Variants in TPX2 observed in about 807,000 individuals in gnomAD.
TPX2 encodes targeting protein for Xklp2.
A neutral mutation model predicts 93.6 loss-of-function variants in TPX2; 21 were observed. The ratio of observed to expected loss-of-function variants is 0.22; its 90% CI spans 0.16 to 0.32. TPX2 has a LOEUF of 0.32. Among genes scored for constraint, TPX2 ranks in the 10% least tolerant of loss-of-function variants. The pLI, the probability that TPX2 is intolerant of heterozygous loss-of-function variation, is 1.00. For synonymous variants in TPX2, 281 were observed against 298.3 expected, an observed-to-expected ratio of 0.94 and a Z score of 0.60; for missense variants, 776 against 871.1, an observed-to-expected ratio of 0.89 and a Z score of 1.37.
chr20:31,767,811 C>T (rs543108128), intron 5 of TPX2, among the ~76,000 whole-genome samples: 1 of 151,714 alleles, frequency 6.6e-6, no homozygotes, highest in African/African-American at 2.4e-5. Flanking sequence ...CTATGCCTCC[C>T]AAAGTGTTAG....
chr20:31,770,249 TTTG>T (rs2061956843), intron 5 of TPX2, 91 bp from the exon 6 acceptor site: 1 of 880,050 alleles, frequency 1.1e-6, no homozygotes, highest in South Asian at 3.8e-5. Flanking sequence ...TTTATTGCCC[TTTG>T]TAGTTTGACA....
chr20:31,799,910 A>G (rs1357083175), intron 17 of TPX2, among the ~76,000 whole-genome samples: 1 of 151,124 alleles, frequency 6.6e-6, no homozygotes, highest in Admixed American at 6.6e-5. Flanking sequence ...AAAAAAAAAA[A>G]AAAAAAAAAA....
At chr20:31,792,992 A>G (rs2062112365) in intron 13 of TPX2, among the ~76,000 whole-genome samples, 162 bp downstream of exon 13, 1 of 152,200 alleles carries the variant, frequency 6.6e-6, no homozygotes. Context: ...TGTTCCTCCA[A>G]GAACAAAGTA....
chr20:31,782,835 G>A (rs1166768143), intron 11 of TPX2, among the ~76,000 whole-genome samples: 1 of 151,436 alleles, frequency 6.6e-6, no homozygotes, highest in African/African-American at 2.4e-5. Context: ...CCAAGATCAC[G>A]CCAATATACT....
chr20:31,785,638 C>T (rs1035128167), intron 12 of TPX2, among the ~76,000 whole-genome samples: 8 of 152,116 alleles, frequency 5.3e-5, no homozygotes, highest in Non-Finnish European at 1.2e-4. Context: ...GTTGGGATTA[C>T]AGGCGCATGC....
intron 2 of TPX2, among the ~76,000 whole-genome samples, chr20:31,753,197 A>G (rs1388672639): frequency 1.3e-5 from 2 of 152,210 alleles, no homozygotes; most frequent in Non-Finnish European, 2.9e-5. Flanking sequence ...GCTTAACTTC[A>G]TGAACACCCT....
intron 5 of TPX2, among the ~76,000 whole-genome samples, chr20:31,768,058 A>C (rs1051697210): frequency 8.6e-5 from 13 of 151,234 alleles, no homozygotes. Context: ...TAGCCTCCTG[A>C]GTAGTGGAGA....
Position 31,760,877 on chromosome 20 carries a change from AC to A in TPX2, c.229+699del, listed in dbSNP as rs1445240160. The stretch of plus-strand genomic sequence containing the variant: ...TAAGATCAAGTGTAAAAGATGATTG[AC>A]ATTTAAACTGGTGGGTACTGGATCT... On this transcript the variant is annotated intron_variant, in intron 4 of 17. Coordinates refer to ENST00000300403, the MANE Select transcript of TPX2 (RefSeq NM_012112.5). Among the ~76,000 whole-genome samples, 110 of 152,300 alleles carry A rather than the reference AC, an allele frequency of 7.2e-4. 1 individual carries two copies. Among genetic ancestry groups the A allele is most frequent in the Middle Eastern group, 6.8e-3 (2 of 294 alleles).
At chr20:31,795,684 T>G (rs1277143737) in intron 15 of TPX2, among the ~76,000 whole-genome samples, 1 of 152,254 alleles carries the variant, frequency 6.6e-6, no homozygotes, top group African/African-American at 2.4e-5. Flanking sequence ...TTTCTGTTGA[T>G]GCATTGGTAA....
At chr20:31,759,047 C>A (rs1422775354) in intron 3 of TPX2, among the ~76,000 whole-genome samples, 1 of 151,902 alleles carries the variant, frequency 6.6e-6, no homozygotes, top group South Asian at 2.1e-4. Flanking sequence ...TTTTGGCTAA[C>A]AAAACTACCT....
Position 31,794,458 on chromosome 20 carries a change from G to A in TPX2, c.1743G>A (p.Glu581=). The stretch of plus-strand genomic sequence containing the variant: ...ATTTTGACACCATTAACCTGCCAGA[G>A]AAGAAGGTAAAGAATGTGACCCAGA... The part of the protein sequence containing the change: ...LPHFDTINLP[E]KKVKNVTQIE... The change falls in exon 15 of 18, where the codon GAG becomes GAA. Residue 581 remains glutamate (E), a synonymous_variant. Transcript: ENST00000300403. 2 of 1,614,160 alleles carry A rather than the reference G, an allele frequency of 1.2e-6. No homozygotes were observed. The highest frequency in any genetic ancestry group is 1.1e-5 in the South Asian group (1 of 91,080).
rs773131783 is a variant in TPX2, at chr20:31,782,370, G to A, written c.1176G>A (p.Glu392=). 3 of 1,611,286 alleles carry A rather than the reference G, an allele frequency of 1.9e-6. 1 individual carries two copies. The South Asian group carries it at 3.3e-5, about 18-fold the overall frequency. ...AAAGTACAGCAGAGCTGGAGGCTGAGGAGCTCGAGAAATTGCAACAGTAAG... is the reference window on the plus strand; with the variant it reads ...AAAGTACAGCAGAGCTGGAGGCTGAAGAGCTCGAGAAATTGCAACAGTAAG... The part of the protein sequence containing the change: ...TCKSTAELEA[E]ELEKLQQYKF... The change falls in exon 11 of 18, where the codon GAG becomes GAA. Residue 392 remains glutamate, a synonymous_variant. Transcript: ENST00000300403.
At position 31,775,933 on chromosome 20, in the gene TPX2, G is replaced by T; in HGVS notation, c.675G>T (p.Val225=). Residue 225 remains valine, a synonymous_variant, in exon 8 of 18, where the codon GTG becomes GTT. Transcript: ENST00000300403. The part of the protein sequence containing the change: ...LEKSMKMQQE[V]VEMRKKNEEF... The stretch of plus-strand genomic sequence containing the variant: ...AGAGTATGAAAATGCAGCAAGAGGT[G>T]GTGGAGATGCGGAAAAAGAATGAAG... 1 of 1,603,828 alleles carries T rather than the reference G, an allele frequency of 6.2e-7. No homozygotes were observed. The highest frequency in any genetic ancestry group is 8.5e-7 in the Non-Finnish European group (1 of 1,174,200).
At chr20:31,795,959 G>A (rs2062136593) in intron 15 of TPX2, among the ~76,000 whole-genome samples, 1 of 152,096 alleles carries the variant, frequency 6.6e-6, no homozygotes, top group Non-Finnish European at 1.5e-5. Context: ...CCTGAAGCCC[G>A]AGAGTTGTAA....
Position 31,801,145 on chromosome 20 carries a change from C to A in TPX2, c.*65C>A. ...CTGCTCTTAACCTCAAACCTAGGAC[C>A]GTCTTGCTTTGTCATTGGGCATGGA... On this transcript the variant is annotated 3_prime_UTR_variant, in exon 18 of 18. Transcript: ENST00000300403. 1 of 1,445,980 alleles carries A rather than the reference C, an allele frequency of 6.9e-7. No homozygotes were observed. The highest frequency in any genetic ancestry group is 9.7e-7 in the Non-Finnish European group (1 of 1,028,420). The allele number at this position is 1,445,980 out of a possible 1,614,324, so 89.6% of individuals were successfully genotyped here.
intron 2 of TPX2, among the ~76,000 whole-genome samples, chr20:31,756,187 C>T (rs2061850462): frequency 6.6e-6 from 1 of 152,184 alleles, no homozygotes; most frequent in South Asian, 2.1e-4. Flanking sequence ...ATGAGGTATA[C>T]ACAAGTGAGT....
intron 6 of TPX2, 151 bp from the exon 7 acceptor site, chr20:31,771,409 A>C (rs2061963664): frequency 4.1e-6 from 4 of 978,660 alleles, no homozygotes; most frequent in Non-Finnish European, 5.8e-6. Flanking sequence ...TATATGATCT[A>C]ATGATACTGT....
intron 2 of TPX2, among the ~76,000 whole-genome samples, chr20:31,744,799 T>G (rs1209605824): frequency 6.6e-6 from 1 of 152,182 alleles, no homozygotes; most frequent in Non-Finnish European, 1.5e-5. Flanking sequence ...AGAATGCGTA[T>G]TTTTGGCCGG....
chr20:31,750,836 A>C (rs1165762303), intron 2 of TPX2, among the ~76,000 whole-genome samples: 1 of 152,206 alleles, frequency 6.6e-6, no homozygotes, highest in Non-Finnish European at 1.5e-5. Flanking sequence ...AAATTTGAGA[A>C]AGCTCAGTTT....
Sources: gnomAD v4.1 joint callset for allele counts (sites outside exome capture counted in the v4.1 genomes callset) on GRCh38, gnomAD v4.1.1 for gene constraint, MANE v1.5 for transcripts, NCBI Gene and HGNC (gene_info 2026-07-23, HGNC 2026-07-21) for gene names.